The following PFKP variants were observed in gnomAD, a reference collection of about 807,000 sequenced individuals.
The protein encoded by PFKP is ATP-dependent 6-phosphofructokinase, platelet type.
Under a neutral mutation model 94.3 loss-of-function variants are expected in PFKP, and 101 were observed. The ratio of observed to expected loss-of-function variants is 1.07; its 90% CI spans 0.91 to 1.26. The LOEUF is 1.26. PFKP is among the 50% of genes most tolerant of loss of function. The pLI is 0.00. For missense variants in PFKP, 1,145 were observed against 1,103.3 expected (o/e 1.04, Z -0.53); for synonymous variants, 573 against 432.6 (o/e 1.32, Z -4.03).
At chr10:3,102,250 C>CATAAAAAAAA (rs1835089417) in intron 4 of PFKP, among the ~76,000 whole-genome samples, 1 of 54,776 alleles carries the variant, frequency 1.8e-5, no homozygotes, top group Non-Finnish European at 3.4e-5. Flanking sequence ...GACTCTGTCT[C>CATAAAAAAAA]AAAAAAAAAA....
In PFKP at chr10:3,100,943, G is replaced by A. The variant is rs199836689; in HGVS notation, c.265-422G>A. 1.1e-3 allele frequency: 1,796 copies of A among 1,611,902 alleles called. 21 individuals carry two copies. The highest frequency in any genetic ancestry group is 9.1e-3 in the Middle Eastern group (55 of 6,046). On this transcript the variant is annotated intron_variant, in intron 3 of 21. Coordinates refer to ENST00000381125, the MANE Select transcript of PFKP (RefSeq NM_002627.5). ...CAGGTGCTGTAAGGGGTGACTGGAG[G>A]GAGAAGCCTGGCTGCTGGTCACACC...
chr10:3,101,476 G>A lies in PFKP; in HGVS notation c.376G>A (p.Gly126Ser), dbSNP rs775423360. The change falls in exon 4 of 22, where the codon GGC (glycine) becomes AGC (serine). Residue 126 changes from glycine to serine, a missense_variant. Gly to Ser is a moderately conservative substitution (Grantham distance 56). Transcript: ENST00000381125. ...QRGITNLCVI[G>S]GDGSLTGANL... ...CGGCATCACCAACCTGTGTGTGATC[G>A]GCGGGGACGGGAGCCTCACCGGGGC... 5.6e-6 allele frequency: 9 copies of A among 1,604,830 alleles called. No homozygotes were observed. The highest frequency in any genetic ancestry group is 1.7e-5 in the Admixed American group (1 of 59,068).
chr10:3,086,226 C>A (rs1833584315), intron 2 of PFKP, among the ~76,000 whole-genome samples: 1 of 152,196 alleles, frequency 6.6e-6, no homozygotes, highest in Non-Finnish European at 1.5e-5. Flanking sequence ...GTTCCCGCGG[C>A]CCTGACGCTG....
intron 10 of PFKP, 141 bp from the exon 11 acceptor site, chr10:3,112,080 GA>G (rs1836289832): frequency 4.3e-6 from 3 of 699,704 alleles, no homozygotes; most frequent in Non-Finnish European, 7.8e-6. Context: ...CGGTCGTCTA[GA>G]CCATTAACCC....
At chr10:3,108,171 G>T (rs1169353681) in intron 8 of PFKP, among the ~76,000 whole-genome samples, 1 of 152,204 alleles carries the variant, frequency 6.6e-6, no homozygotes, top group Non-Finnish European at 1.5e-5. Flanking sequence ...AGGAACCAAG[G>T]AATTTACGTA....
chr10:3,135,620 A>C lies in PFKP; in HGVS notation c.2123-116A>C. On this transcript the variant is annotated intron_variant, in intron 20 of 21. Coordinates refer to ENST00000381125, the MANE Select transcript of PFKP (RefSeq NM_002627.5). ...CTGTTCTCAGTCTCACTGGGCTTCC[A>C]GGCCGGGTTCAGCATGGTTCTGAGG... The C allele has an allele frequency of 4.6e-6, 3 of 652,666 alleles. No homozygotes were observed. In the South Asian group the frequency reaches 5.8e-5, roughly 13 times the overall value. The allele number at this position is 652,666 out of a possible 1,614,324, so 40.4% of individuals were successfully genotyped here.
At chr10:3,067,738 G>A (rs944984581) in intron 1 of PFKP, 31 bp downstream of exon 1, 3 of 1,186,776 alleles carry the variant, frequency 2.5e-6, no homozygotes, top group Non-Finnish European at 3.5e-6. Context: ...GGCGAGGGAG[G>A]GACGGACGGA....
At position 3,128,575 on chromosome 10, in the gene PFKP, G is replaced by A. The variant is rs545669985; in HGVS notation, c.1684-1244G>A. Among the ~76,000 whole-genome samples, 385 of 152,344 alleles carry A rather than the reference G, an allele frequency of 2.5e-3. 2 individuals are homozygous for A. Among genetic ancestry groups the A allele is most frequent in the Middle Eastern group, 0.01 (3 of 294 alleles). On this transcript the variant is annotated intron_variant, in intron 16 of 21. Coordinates refer to ENST00000381125, the MANE Select transcript of PFKP (RefSeq NM_002627.5). Reference sequence around the variant, plus strand: ...AATGTTTGCTCCAGGAGCGTCCCTCGTGGCCCGTTCAGGTGCCCAGAGTTG... The same window carrying A: ...AATGTTTGCTCCAGGAGCGTCCCTCATGGCCCGTTCAGGTGCCCAGAGTTG...
At chr10:3,118,273 C>A (rs1265719776) in intron 14 of PFKP, among the ~76,000 whole-genome samples, 1 of 152,086 alleles carries the variant, frequency 6.6e-6, no homozygotes, top group African/African-American at 2.4e-5. Flanking sequence ...TGGAGACCAT[C>A]CTGGCCAACA....
intron 1 of PFKP, among the ~76,000 whole-genome samples, chr10:3,076,797 CCCTCCCCT>C (rs1403159580): frequency 6.6e-6 from 1 of 152,120 alleles, no homozygotes; most frequent in Non-Finnish European, 1.5e-5. Context: ...TTATCTCAAG[CCCTCCCCT>C]GACCCTACTA....
At chr10:3,068,956 G>A (rs929316845) in intron 1 of PFKP, among the ~76,000 whole-genome samples, 3 of 152,144 alleles carry the variant, frequency 2.0e-5, no homozygotes, top group Non-Finnish European at 2.9e-5. Context: ...CCCACTGCGC[G>A]GGTGACCTTC....
chr10:3,083,110 T>C (rs1833216713), intron 2 of PFKP, among the ~76,000 whole-genome samples: 1 of 152,232 alleles, frequency 6.6e-6, no homozygotes. Flanking sequence ...TGGTTGTATT[T>C]GTCTGAGGCT....
At chr10:3,091,674 G>A (rs1834050593) in intron 2 of PFKP, among the ~76,000 whole-genome samples, 1 of 152,126 alleles carries the variant, frequency 6.6e-6, no homozygotes, top group Non-Finnish European at 1.5e-5. Flanking sequence ...AGGTAGCTGG[G>A]CGTGGTGTAA....
Position 3,132,389 on chromosome 10 carries a change from G to T in PFKP, c.1858G>T (p.Glu620Ter). The change falls in exon 18 of 22, where the codon GAG (glutamate) becomes TAG (stop). Residue 620 changes from glutamate to a stop codon, truncating the protein, a stop_gained. Coordinates refer to ENST00000381125, the MANE Select transcript of PFKP (RefSeq NM_002627.5). LOFTEE classifies it high-confidence loss of function. ...FDIRDLQSNVEHLTEKMKTTI... is the reference protein window; with the variant it reads ...FDIRDLQSNV ...AAATACTCTCTTCCAGTCCAACGTG[G>T]AGCACCTGACGGAGAAAATGAAGAC... 1 of 1,610,836 alleles carries T rather than the reference G, an allele frequency of 6.2e-7. No individual in the cohort carries two copies. The highest frequency in any genetic ancestry group is 1.1e-5 in the South Asian group (1 of 90,986).
At chr10:3,080,333 C>T (rs374047617) in intron 1 of PFKP, among the ~76,000 whole-genome samples, 27 of 152,046 alleles carry the variant, frequency 1.8e-4, no homozygotes, top group African/African-American at 4.8e-4. Context: ...CTGGCTAACA[C>T]GGTGAAACCC....
Position 3,113,506 on chromosome 10 carries a change from C to G in PFKP, c.1359C>G (p.Phe453Leu). 2 of 1,612,318 alleles carry G rather than the reference C, an allele frequency of 1.2e-6. No homozygotes were observed. The highest frequency in any genetic ancestry group is 2.2e-5 in the South Asian group (2 of 91,046). Reference sequence around the variant, plus strand: ...CCATCTATGATGGCTTTGACGGCTTCGCCAAGGGCCAGGTGAGTCACCCAG... The same window carrying G: ...CCATCTATGATGGCTTTGACGGCTTGGCCAAGGGCCAGGTGAGTCACCCAG... Reference protein sequence around the residue: ...MLAIYDGFDGFAKGQIKEIGW... With the variant: ...MLAIYDGFDGLAKGQIKEIGW... Residue 453 changes from phenylalanine to leucine, a missense_variant, in exon 13 of 22, where the codon TTC (phenylalanine) becomes TTG (leucine). Physicochemically the swap from Phe to Leu is conservative, Grantham distance 22. Coordinates refer to ENST00000381125, the MANE Select transcript of PFKP (RefSeq NM_002627.5).
Position 3,133,299 on chromosome 10 carries a change from G to C in PFKP, c.2007G>C (p.Leu669=). The C allele has an allele frequency of 5.6e-6, 9 of 1,611,980 alleles. No homozygotes were observed. The highest frequency in any genetic ancestry group is 7.6e-6 in the Non-Finnish European group (9 of 1,178,050). ...KGVFDCRKNV[L]GHMQQGGAPS... ...TGTTTGACTGCAGGAAGAACGTGCT[G>C]GGTCACATGCAGCAGGTAGGCCCGA... is the stretch of plus-strand genomic sequence containing the variant. The change falls in exon 19 of 22, where the codon CTG becomes CTC. Residue 669 remains leucine (L), a synonymous_variant. Coordinates refer to ENST00000381125, the MANE Select transcript of PFKP (RefSeq NM_002627.5).
chr10:3,082,287 A>AT (rs1833143903), intron 1 of PFKP, 101 bp from the exon 2 acceptor site: 7 of 728,782 alleles, frequency 9.6e-6, no homozygotes, highest in Admixed American at 2.3e-5. Flanking sequence ...GAAATGAGGC[A>AT]TTGAGAGGTT....
intron 16 of PFKP, among the ~76,000 whole-genome samples, chr10:3,120,310 C>T (rs753703567): frequency 2.0e-5 from 3 of 151,968 alleles, no homozygotes; most frequent in Non-Finnish European, 2.9e-5. Flanking sequence ...CGTGAGCACC[C>T]GAGGCGCTGA....
Sources: gnomAD v4.1 joint callset for allele counts (sites outside exome capture counted in the v4.1 genomes callset) on GRCh38, gnomAD v4.1.1 for gene constraint, MANE v1.5 for transcripts, NCBI Gene and HGNC (gene_info 2026-07-23, HGNC 2026-07-21) for gene names.